ADAM32: variants seen among roughly 807,000 people sequenced by gnomAD.
The protein encoded by ADAM32 is disintegrin and metalloproteinase domain-containing protein 32.
In ADAM32, 89 loss-of-function variants were observed where a neutral mutation model predicts 114.9. That is an observed-to-expected ratio of 0.77 (90% CI 0.65 to 0.92). The LOEUF is 0.92. ADAM32 is among the 40% of genes least tolerant of loss of function. ADAM32 has a pLI of 0.00. For missense variants in ADAM32, 870 were observed against 932.8 expected, an observed-to-expected ratio of 0.93 and a Z score of 0.88; for synonymous variants, 285 against 307.5, an observed-to-expected ratio of 0.93 and a Z score of 0.77.
intron 6 of ADAM32, among the ~76,000 whole-genome samples, chr8:39,153,293 T>C (rs1803954569): frequency 6.6e-6 from 1 of 152,196 alleles, no homozygotes; most frequent in Non-Finnish European, 1.5e-5. Flanking sequence ...TTGTGAAAAT[T>C]TCTAATTTAC....
At position 39,211,188 on chromosome 8, in the gene ADAM32, G is replaced by T; in HGVS notation, c.1097G>T (p.Ser366Ile). 1 of 1,604,814 alleles carries T rather than the reference G, an allele frequency of 6.2e-7. No individual in the cohort carries two copies. The highest frequency in any genetic ancestry group is 8.5e-7 in the Non-Finnish European group (1 of 1,176,438). The change falls in exon 12 of 25, where the codon AGC (serine) becomes ATC (isoleucine). Residue 366 changes from serine to isoleucine, a missense_variant. By Grantham distance (142) the Ser-to-Ile change is moderately radical. Coordinates refer to ENST00000379907, the MANE Select transcript of ADAM32 (RefSeq NM_145004.7). ...VKTFSSCSLR[S>I]FQNFISNVGV... ...ACTTTTAGCAGTTGCAGTTTGAGGAGCTTTCAAAATTTCATTTCAAATGTG... is the reference window on the plus strand; with the variant it reads ...ACTTTTAGCAGTTGCAGTTTGAGGATCTTTCAAAATTTCATTTCAAATGTG...
chr8:39,176,246 C>G (rs1177682672), intron 10 of ADAM32, among the ~76,000 whole-genome samples: 3 of 152,030 alleles, frequency 2.0e-5, no homozygotes, highest in Non-Finnish European at 4.4e-5. Flanking sequence ...TTCGGTTACT[C>G]TTGGTTCTCT....
chr8:39,123,424 TG>T (rs751087378), intron 2 of ADAM32, among the ~76,000 whole-genome samples: 4 of 152,204 alleles, frequency 2.6e-5, no homozygotes, highest in Non-Finnish European at 5.9e-5. Context: ...GTCTCCACAC[TG>T]GGGGTTTGGT....
At chr8:39,168,832 G>A (rs1010625890) in intron 9 of ADAM32, 1 of 152,202 alleles carries the variant, frequency 6.6e-6, no homozygotes. Flanking sequence ...ACGTCAAAAG[G>A]TGTCAGTATG....
At chr8:39,254,290 A>G (rs1418492621) in intron 17 of ADAM32, 124 bp from the exon 18 acceptor site, 8 of 649,450 alleles carry the variant, frequency 1.2e-5, no homozygotes, top group Admixed American at 1.1e-4. Flanking sequence ...AACATTTGAT[A>G]TGTGAGACTG....
chr8:39,221,444 C>T, intron 12 of ADAM32, 166 bp from the exon 13 acceptor site: 2 of 575,478 alleles, frequency 3.5e-6, no homozygotes, highest in Non-Finnish European at 3.1e-6. Flanking sequence ...TAGTAAAAGT[C>T]CTACATTAGT....
intron 7 of ADAM32, among the ~76,000 whole-genome samples, chr8:39,164,388 T>C (rs935673421): frequency 6.6e-6 from 1 of 152,250 alleles, no homozygotes; most frequent in Non-Finnish European, 1.5e-5. Context: ...GAAGGATATA[T>C]GAGTTATTTC....
chr8:39,246,223 C>G, intron 17 of ADAM32, 57 bp downstream of exon 17: 8 of 1,510,026 alleles, frequency 5.3e-6, no homozygotes, highest in Non-Finnish European at 7.3e-6. Context: ...TTGCATCACT[C>G]ATTAATTTAC....
chr8:39,222,463 T>C lies in ADAM32; in HGVS notation c.1327-577T>C, dbSNP rs189476423. Among the ~76,000 whole-genome samples, 50 of 152,162 alleles carry C rather than the reference T, an allele frequency of 3.3e-4. 1 individual carries two copies. The highest frequency in any genetic ancestry group is 5.1e-4 in the African/African-American group (21 of 41,576). On this transcript the variant is annotated intron_variant, in intron 13 of 24. Coordinates refer to ENST00000379907, the MANE Select transcript of ADAM32 (RefSeq NM_145004.7). ...AAGAATTATGAGATAGATGTTTTAT[T>C]TGAGATTCTTTTTGTAAATTTCCAC...
intron 2 of ADAM32, among the ~76,000 whole-genome samples, chr8:39,131,423 A>G (rs553438436): frequency 7.4e-4 from 112 of 152,276 alleles, no homozygotes; most frequent in African/African-American, 2.7e-3. Flanking sequence ...TCCAGAAGGT[A>G]GAGCCTGCAG....
chr8:39,201,148 C>A (rs183225700), intron 11 of ADAM32, among the ~76,000 whole-genome samples: 35 of 152,218 alleles, frequency 2.3e-4, no homozygotes, highest in Admixed American at 5.9e-4. Flanking sequence ...TAGTTTTTTC[C>A]ATTTCTGTGA....
rs375014725 is a variant in ADAM32 at position 39,221,736 on chromosome 8, T to G, written c.1326+34T>G. 13 of 1,517,480 alleles carry G rather than the reference T, an allele frequency of 8.6e-6. No individual in the cohort carries two copies. The African/African-American group carries it at 1.8e-4, about 21-fold the overall frequency. The allele number at this position is 1,517,480 out of a possible 1,614,324, so 94.0% of individuals were successfully genotyped here. On this transcript the variant is annotated intron_variant, in intron 13 of 24. Coordinates refer to ENST00000379907, the MANE Select transcript of ADAM32 (RefSeq NM_145004.7). The stretch of plus-strand genomic sequence containing the variant: ...TAAGCTTATGAACATCTTTCAAATA[T>G]ATAACAAATCATGTGCAGGGTACTT...
chr8:39,185,549 T>A (rs772826758), intron 10 of ADAM32, among the ~76,000 whole-genome samples: 3 of 152,182 alleles, frequency 2.0e-5, no homozygotes, highest in Non-Finnish European at 4.4e-5. Flanking sequence ...CTCAGCACTT[T>A]TTCACCATAC....
Position 39,118,109 on chromosome 8 carries a change from A to G in ADAM32, c.82A>G (p.Ile28Val), listed in dbSNP as rs746529332. The G allele has an allele frequency of 6.0e-6, 9 of 1,493,518 alleles. No homozygotes were observed. Among genetic ancestry groups the G allele is most frequent in the African/African-American group, 5.8e-5 (4 of 69,470 alleles). The allele number at this position is 1,493,518 out of a possible 1,614,324, so 92.5% of individuals were successfully genotyped here. Residue 28 changes from isoleucine to valine, a missense_variant, in exon 2 of 25, where the codon ATC (isoleucine) becomes GTC (valine). Transcript: ENST00000379907. ...AGGTTTTCAAAATTCACTTCTACAG[A>G]TCGTAATTCCAGAGAAAATCCAAAC... ...RPGFQNSLLQ[I>V]VIPEKIQTNT...
chr8:39,137,269 G>A (rs1285117314), intron 3 of ADAM32, among the ~76,000 whole-genome samples: 2 of 152,150 alleles, frequency 1.3e-5, no homozygotes, highest in African/African-American at 2.4e-5. Context: ...ACATTCAAGA[G>A]GACAGCTTCA....
intron 10 of ADAM32, among the ~76,000 whole-genome samples, chr8:39,172,857 C>T (rs1805283668): frequency 6.6e-6 from 1 of 152,164 alleles, no homozygotes; most frequent in Non-Finnish European, 1.5e-5. Context: ...GGTATATACC[C>T]AGTAATGGGA....
chr8:39,258,235 G>GT (rs1393144989), intron 19 of ADAM32, among the ~76,000 whole-genome samples: 2 of 150,528 alleles, frequency 1.3e-5, no homozygotes, highest in Non-Finnish European at 3.0e-5. Flanking sequence ...TATTTCTATT[G>GT]TTTTTTATAT....
chr8:39,263,205 A>G (rs1445377016), intron 19 of ADAM32, among the ~76,000 whole-genome samples: 1 of 152,208 alleles, frequency 6.6e-6, no homozygotes, highest in African/African-American at 2.4e-5. Context: ...AATATTAATT[A>G]TAGGTTATAT....
intron 10 of ADAM32, among the ~76,000 whole-genome samples, chr8:39,185,129 G>C (rs1395390163): frequency 6.6e-6 from 1 of 152,130 alleles, no homozygotes; most frequent in Non-Finnish European, 1.5e-5. Context: ...GCCAGGCATA[G>C]TGGTGGGTGC....
Sources: allele counts gnomAD v4.1 joint callset (sites outside exome capture counted in the v4.1 genomes callset), GRCh38; gene constraint gnomAD v4.1.1; transcripts MANE v1.5; gene names NCBI Gene and HGNC (gene_info 2026-07-23, HGNC 2026-07-21).